HTT: variants seen among roughly 807,000 people sequenced by gnomAD.
HTT encodes huntington disease protein.
HTT carries 104 observed loss-of-function variants against 362.3 expected under a neutral mutation model. The observed-to-expected ratio is 0.29, with a 90% confidence interval of 0.24 to 0.34. HTT has a LOEUF of 0.34. HTT is among the 10% of genes least tolerant of loss of function. The pLI, the probability that HTT is intolerant of heterozygous loss-of-function variation, is 1.00. For missense variants in HTT, 3,301 were observed against 3,928.6 expected, an observed-to-expected ratio of 0.84 and a Z score of 4.27; for synonymous variants, 1,577 against 1,548.7, an observed-to-expected ratio of 1.02 and a Z score of -0.43.
In HTT at chr4:3,085,294, C is replaced by T. The variant is rs1427287894; in HGVS notation, c.264-1645C>T. Reference sequence around the variant, plus strand: ...CTGGGATTATAGGCGCCCGCCACCACGCCCAACTATTTTTTGTATTTTTAG... The same window carrying T: ...CTGGGATTATAGGCGCCCGCCACCATGCCCAACTATTTTTTGTATTTTTAG... On this transcript the variant is annotated intron_variant, in intron 1 of 66. Transcript: ENST00000355072. 2.0e-5 allele frequency among the ~76,000 whole-genome samples: 3 copies of T among 152,108 alleles called. No homozygotes were observed. In the East Asian group the frequency reaches 5.8e-4, roughly 30 times the overall value.
intron 55 of HTT, 116 bp from the exon 56 acceptor site, chr4:3,223,876 T>G (rs1720790232): frequency 3.8e-6 from 4 of 1,064,308 alleles, no homozygotes; most frequent in South Asian, 1.5e-5. Context: ...GGAAGTGAGT[T>G]TCATTTGGTA....
chr4:3,189,175 G>A, intron 40 of HTT, 82 bp downstream of exon 40: 2 of 1,399,310 alleles, frequency 1.4e-6, no homozygotes, highest in Non-Finnish European at 9.8e-7. Context: ...GAGCTGTGCT[G>A]CCCGGTAGAA....
chr4:3,183,502 G>A lies in HTT; in HGVS notation c.4866+1032G>A, dbSNP rs757206509. Among the ~76,000 whole-genome samples, 39 of 152,350 alleles carry A rather than the reference G, an allele frequency of 2.6e-4. 1 individual carries two copies. In the Middle Eastern group the frequency reaches 0.014, roughly 53 times the overall value. ...ACAACTACTCTGTATAGTACGAGTA[G>A]TCCGTGGTTTTTGGCATTTGATTTA... On this transcript the variant is annotated intron_variant, in intron 37 of 66. Coordinates refer to ENST00000355072, the MANE Select transcript of HTT (RefSeq NM_001388492.1).
chr4:3,174,794 G>T lies in HTT; in HGVS notation c.4240G>T (p.Asp1414Tyr), dbSNP rs1308043350. Residue 1414 changes from aspartate to tyrosine, a missense_variant, in exon 32 of 67, where the codon GAT (aspartate) becomes TAT (tyrosine). Asp to Tyr is a radical substitution (Grantham distance 160). Transcript: ENST00000355072. ...NLTSVTKNRA[D>Y]KNAIHNHIRL... Reference sequence around the variant, plus strand: ...CACGAGTGTCACAAAGAACCGTGCAGATAAGGTAAATGGTGCCGTTTGTGG... The same window carrying T: ...CACGAGTGTCACAAAGAACCGTGCATATAAGGTAAATGGTGCCGTTTGTGG... 6.2e-7 allele frequency: 1 copy of T among 1,614,070 alleles called. No individual in the cohort carries two copies.
chr4:3,198,256 C>T (rs569744165), intron 40 of HTT, among the ~76,000 whole-genome samples: 43 of 121,684 alleles, frequency 3.5e-4, no homozygotes, highest in Admixed American at 2.2e-3. Context: ...GATAGAGTCT[C>T]GCTCCATTGC....
rs1721683993 is a variant in HTT at position 3,239,097 on chromosome 4, AGGCCCTCAGCCC to A, written c.9215+120_9215+131del. The A allele has an allele frequency of 3.2e-5, 34 of 1,055,188 alleles. No individual in the cohort carries two copies. In the South Asian group the frequency reaches 5.4e-4, roughly 17 times the overall value. 65.4% of individuals were successfully genotyped at this position (1,055,188 alleles called of 1,614,324 possible). ...AAAACCCCACAGATGCCAGGGTGAC[AGGCCCTCAGCCC>A]CAGGGAAGTAAAATGCTGACAGGGG... is the stretch of plus-strand genomic sequence containing the variant. On this transcript the variant is annotated intron_variant, in intron 66 of 66. Transcript: ENST00000355072.
chr4:3,192,836 GT>G (rs1719068394), intron 40 of HTT, among the ~76,000 whole-genome samples: 1 of 152,190 alleles, frequency 6.6e-6, no homozygotes, highest in Non-Finnish European at 1.5e-5. Flanking sequence ...TTCAGCCTTG[GT>G]CCATTTGAGG....
intron 64 of HTT, 49 bp from the exon 65 acceptor site, chr4:3,238,398 G>C: frequency 6.8e-7 from 1 of 1,470,536 alleles, no homozygotes; most frequent in East Asian, 2.4e-5. Context: ...GGCAGGTGGG[G>C]CAGCTGTGGG....
chr4:3,124,542 T>C (rs1715434154), intron 10 of HTT, among the ~76,000 whole-genome samples: 1 of 152,218 alleles, frequency 6.6e-6, no homozygotes, highest in East Asian at 1.9e-4. Context: ...AGCCTAGCTC[T>C]TGTGCCTTTG....
chr4:3,134,645 A>C, intron 19 of HTT, 105 bp downstream of exon 19: 1 of 1,065,936 alleles, frequency 9.4e-7, no homozygotes, highest in African/African-American at 1.6e-5. Context: ...TCCATCAGAA[A>C]TCCGAGTGGT....
chr4:3,178,357 G>T lies in HTT; in HGVS notation c.4523G>T (p.Arg1508Leu), dbSNP rs1260513965. Residue 1508 changes from arginine (R) to leucine (L), a missense_variant, in exon 35 of 67, where the codon CGC becomes CTC. Around this residue, in one of 4 missense-constraint regions of HTT, gnomAD observed 2,316 missense variants for 2,658.5 expected, o/e 0.87. Transcript: ENST00000355072. The stretch of plus-strand genomic sequence containing the variant: ...TTCTTGGTATTACTATCTTATGAAC[G>T]CTATCATTCAAAACAGATCATTGGA... ...FFFLVLLSYE[R>L]YHSKQIIGIP... 1 of 1,610,992 alleles carries T rather than the reference G, an allele frequency of 6.2e-7. No homozygotes were observed. The highest frequency in any genetic ancestry group is 8.5e-7 in the Non-Finnish European group (1 of 1,177,230).
chr4:3,208,728 A>T, intron 45 of HTT, 45 bp from the exon 46 acceptor site: 1 of 1,540,292 alleles, frequency 6.5e-7, no homozygotes, highest in Non-Finnish European at 8.7e-7. Context: ...CTAAAAAAAA[A>T]AAAAAACAAA....
At chr4:3,186,506 A>T in intron 37 of HTT, 91 bp from the exon 38 acceptor site, 1 of 1,397,046 alleles carries the variant, frequency 7.2e-7, no homozygotes, top group East Asian at 2.3e-5. Context: ...GATGATTATG[A>T]TGATTTGCCC....
chr4:3,076,717 C>T (rs1712572924), intron 1 of HTT, among the ~76,000 whole-genome samples: 1 of 152,170 alleles, frequency 6.6e-6, no homozygotes. Flanking sequence ...CTGCTTCAGA[C>T]ACTTGATCAT....
In HTT at chr4:3,241,484, T is replaced by G. The variant is rs1721797261; in HGVS notation, c.*1425T>G. 1 of 152,360 alleles carries G rather than the reference T, an allele frequency of 6.6e-6. No individual in the cohort carries two copies. Among genetic ancestry groups the G allele is most frequent in the Non-Finnish European group, 1.5e-5 (1 of 68,120 alleles). The allele number at this position is 152,360 out of a possible 1,614,324, so 9.4% of individuals were successfully genotyped here. ...ATGTAGGAGCTGGATTTGGGAGCTC[T>G]GCTTGCCGACTGGCTGTGAGACGAG... On this transcript the variant is annotated 3_prime_UTR_variant, in exon 67 of 67. Transcript: ENST00000355072.
intron 16 of HTT, among the ~76,000 whole-genome samples, 186 bp from the exon 17 acceptor site, chr4:3,132,376 C>A (rs1291996844): frequency 1.3e-5 from 2 of 151,910 alleles, no homozygotes; most frequent in Non-Finnish European, 2.9e-5. Flanking sequence ...TATGATGAAT[C>A]TCTAATTCTT....
chr4:3,087,464 C>T (rs1337902187), intron 2 of HTT, among the ~76,000 whole-genome samples: 12 of 152,214 alleles, frequency 7.9e-5, no homozygotes, highest in Admixed American at 7.9e-4. Flanking sequence ...CTCTGTGCTT[C>T]GGGATTAGTG....
intron 40 of HTT, among the ~76,000 whole-genome samples, chr4:3,192,121 C>T (rs1719039709): frequency 6.6e-6 from 1 of 152,116 alleles, no homozygotes; most frequent in Non-Finnish European, 1.5e-5. Flanking sequence ...GGCTGAAGTG[C>T]AGTGGCATGA....
chr4:3,217,542 A>G (rs1720471164), intron 51 of HTT, among the ~76,000 whole-genome samples: 1 of 152,186 alleles, frequency 6.6e-6, no homozygotes, highest in Non-Finnish European at 1.5e-5. Context: ...CCAAGGCCAG[A>G]GCTCAGGTTC....
Sources: allele counts gnomAD v4.1 joint callset (sites outside exome capture counted in the v4.1 genomes callset), GRCh38; gene constraint gnomAD v4.1.1; regional missense constraint gnomAD v4.1.1; transcripts MANE v1.5; gene names NCBI Gene and HGNC (gene_info 2026-07-23, HGNC 2026-07-21).